The following RYR3 variants were observed in gnomAD, a reference collection of about 807,000 sequenced individuals.
RYR3 encodes brain ryanodine receptor-calcium release channel.
RYR3 carries 207 observed loss-of-function variants against 584.3 expected under a neutral mutation model. The observed-to-expected ratio is 0.35, with a 90% CI of 0.32 to 0.40. The LOEUF (loss-of-function observed/expected upper bound fraction) is 0.40, where lower values mean the gene tolerates loss of function less well. RYR3 is among the 10% of genes least tolerant of loss of function. The pLI, the probability that RYR3 is intolerant of heterozygous loss-of-function variation, is 1.00. For missense variants in RYR3, 5,616 were observed against 6,089.2 expected, an observed-to-expected ratio of 0.92 and a Z score of 2.59; for synonymous variants, 2,416 against 2,248.5, an observed-to-expected ratio of 1.07 and a Z score of -2.11.
chr15:33,844,775 C>T (rs1398076363), intron 92 of RYR3, 87 bp from the exon 93 acceptor site: 2 of 1,190,874 alleles, frequency 1.7e-6, no homozygotes, highest in Non-Finnish European at 2.4e-6. Flanking sequence ...TTGTATAGCA[C>T]ATGCTAACAA....
intron 3 of RYR3, among the ~76,000 whole-genome samples, chr15:33,511,497 A>G (rs942415425): frequency 6.6e-6 from 1 of 151,920 alleles, no homozygotes; most frequent in Non-Finnish European, 1.5e-5. Context: ...CACTCCTTCA[A>G]TATACATGTA....
At chr15:33,844,406 A>G (rs2078577955) in intron 92 of RYR3, among the ~76,000 whole-genome samples, 1 of 152,236 alleles carries the variant, frequency 6.6e-6, no homozygotes, top group Admixed American at 6.5e-5. Flanking sequence ...TCTGTATAAG[A>G]ATAGCGGCTG....
chr15:33,808,155 T>C (rs532933710), intron 70 of RYR3, among the ~76,000 whole-genome samples: 1 of 152,236 alleles, frequency 6.6e-6, no homozygotes, highest in South Asian at 2.1e-4. Flanking sequence ...GAAGGGGAGA[T>C]GTGGAGGAAC....
chr15:33,356,631 A>G (rs1372023433), intron 1 of RYR3, among the ~76,000 whole-genome samples: 1 of 152,218 alleles, frequency 6.6e-6, no homozygotes, highest in Non-Finnish European at 1.5e-5. Context: ...TAGACACATA[A>G]TATGTTTATT....
intron 16 of RYR3, among the ~76,000 whole-genome samples, chr15:33,592,280 A>G (rs544335327): frequency 6.0e-4 from 91 of 152,322 alleles, no homozygotes; most frequent in Non-Finnish European, 1.1e-3. Context: ...CTCACAGACA[A>G]TAAGGTATTT....
chr15:33,578,153 T>C lies in RYR3; in HGVS notation c.1269-1823T>C, dbSNP rs540771795. ...GAGAAATAGGAATGCTTTTAAACTATCGGTAGGAATGTAAATTAGTTCAAC... is the reference window on the plus strand; with the variant it reads ...GAGAAATAGGAATGCTTTTAAACTACCGGTAGGAATGTAAATTAGTTCAAC... On this transcript the variant is annotated intron_variant, in intron 12 of 103. Coordinates refer to ENST00000634891, the MANE Select transcript of RYR3 (RefSeq NM_001036.6). Among the ~76,000 whole-genome samples, 10 of 152,280 alleles carry C rather than the reference T, an allele frequency of 6.6e-5. No homozygotes were observed. The South Asian group carries it at 2.1e-3, about 32-fold the overall frequency.
chr15:33,361,367 A>G (rs986432245), intron 1 of RYR3, among the ~76,000 whole-genome samples: 1 of 152,228 alleles, frequency 6.6e-6, no homozygotes, highest in East Asian at 1.9e-4. Context: ...TACAGTTTTT[A>G]TAAAAGGTTG....
At chr15:33,584,684 T>C (rs1255396568) in intron 15 of RYR3, among the ~76,000 whole-genome samples, 194 bp downstream of exon 15, 10 of 152,072 alleles carry the variant, frequency 6.6e-5, no homozygotes, top group African/African-American at 2.4e-4. Flanking sequence ...TAACCCAGAC[T>C]TCAACAATCC....
chr15:33,642,357 A>T (rs2061877286), intron 27 of RYR3, among the ~76,000 whole-genome samples: 1 of 152,180 alleles, frequency 6.6e-6, no homozygotes, highest in Admixed American at 6.5e-5. Flanking sequence ...GGACTATTTC[A>T]TGATCTTCAT....
intron 11 of RYR3, among the ~76,000 whole-genome samples, chr15:33,566,057 T>A (rs1350117733): frequency 6.6e-6 from 1 of 152,212 alleles, no homozygotes; most frequent in Non-Finnish European, 1.5e-5. Context: ...TTAACTAACT[T>A]GCCCAAGGTC....
intron 38 of RYR3, among the ~76,000 whole-genome samples, chr15:33,691,179 C>G (rs1045042796): frequency 6.6e-6 from 1 of 152,144 alleles, no homozygotes; most frequent in African/African-American, 2.4e-5. Flanking sequence ...GATGTCTGTA[C>G]TTTGTTATGT....
chr15:33,452,898 A>C (rs2047244866), intron 1 of RYR3, among the ~76,000 whole-genome samples: 1 of 152,242 alleles, frequency 6.6e-6, no homozygotes, highest in Admixed American at 6.5e-5. Context: ...TCCTAATTAC[A>C]GAAAAACCTA....
At chr15:33,689,396 A>G (rs952084661) in intron 38 of RYR3, among the ~76,000 whole-genome samples, 1 of 152,106 alleles carries the variant, frequency 6.6e-6, no homozygotes, top group African/African-American at 2.4e-5. Context: ...AATTGTCAGC[A>G]TTCTCCCATG....
intron 64 of RYR3, among the ~76,000 whole-genome samples, chr15:33,777,889 G>T (rs2074111649): frequency 6.6e-6 from 1 of 152,164 alleles, no homozygotes; most frequent in Admixed American, 6.5e-5. Context: ...TTGCTGTCAG[G>T]CAGGACGCGG....
At chr15:33,601,653 A>C in intron 17 of RYR3, 101 bp downstream of exon 17, 2 of 1,281,146 alleles carry the variant, frequency 1.6e-6, no homozygotes, top group Non-Finnish European at 2.2e-6. Context: ...TTGCCCACCC[A>C]TTGTTTCCAT....
At chr15:33,486,010 G>A (rs796850748) in intron 2 of RYR3, among the ~76,000 whole-genome samples, 4 of 150,042 alleles carry the variant, frequency 2.7e-5, no homozygotes, top group African/African-American at 9.7e-5. Context: ...ACAGTGGCCT[G>A]TCTCAGTCAG....
intron 75 of RYR3, among the ~76,000 whole-genome samples, chr15:33,817,849 C>T (rs1483954176): frequency 1.3e-5 from 2 of 152,180 alleles, no homozygotes; most frequent in Non-Finnish European, 1.5e-5. Flanking sequence ...TCATACAACC[C>T]ATGTAGTTCT....
Position 33,533,310 on chromosome 15 carries a change from G to C in RYR3, c.355-1G>C. The stretch of plus-strand genomic sequence containing the variant: ...CACTAGTATTTGCTCTTCTTTCACA[G>C]TATCTAACATGCTTGACTACATCAA... On this transcript the variant is annotated splice_acceptor_variant, in intron 4 of 103. Coordinates refer to ENST00000634891, the MANE Select transcript of RYR3 (RefSeq NM_001036.6). LOFTEE classifies it high-confidence loss of function. The C allele has an allele frequency of 6.3e-7, 1 of 1,597,676 alleles. No individual in the cohort carries two copies. Among genetic ancestry groups the C allele is most frequent in the Non-Finnish European group, 8.5e-7 (1 of 1,170,826 alleles).
chr15:33,860,792 G>A (rs375798138), intron 101 of RYR3, 133 bp downstream of exon 101: 1 of 750,646 alleles, frequency 1.3e-6, no homozygotes, highest in African/African-American at 1.8e-5. Flanking sequence ...TCCATGCCCT[G>A]TTCTCTGCAC....
Sources: allele counts gnomAD v4.1 joint callset (sites outside exome capture counted in the v4.1 genomes callset), GRCh38; gene constraint gnomAD v4.1.1; transcripts MANE v1.5; gene names NCBI Gene and HGNC (gene_info 2026-07-23, HGNC 2026-07-21).